Variants in COPG2 observed in about 807,000 individuals in gnomAD.
The protein encoded by COPG2 is coat protein complex I subunit gamma 2.
In COPG2, 37 loss-of-function variants were observed where a neutral mutation model predicts 46.3. The observed-to-expected ratio is 0.80, with a 90% confidence interval of 0.61 to 1.05. The LOEUF (loss-of-function observed/expected upper bound fraction) is 1.05, where lower values mean the gene tolerates loss of function less well. Among genes scored for constraint, COPG2 ranks in the 50% least tolerant of loss-of-function variants. COPG2 has a pLI of 0.00. For missense variants in COPG2, 427 were observed against 387.8 expected, an observed-to-expected ratio of 1.10 and a Z score of -0.85; for synonymous variants, 159 against 129.7, an observed-to-expected ratio of 1.23 and a Z score of -1.53.
chr7:130,530,313 TGAG>T (rs1437240768), intron 20 of COPG2, among the ~76,000 whole-genome samples: 2 of 151,144 alleles, frequency 1.3e-5, no homozygotes, highest in Non-Finnish European at 2.9e-5. Context: ...GGTGAGGAAA[TGAG>T]GAAGAGAAGG....
intron 9 of COPG2, among the ~76,000 whole-genome samples, chr7:130,571,027 C>T (rs1554445471): frequency 6.6e-6 from 1 of 152,166 alleles, no homozygotes; most frequent in African/African-American, 2.4e-5. Context: ...ATCCTCATCT[C>T]TCACCTTATA....
At chr7:130,576,961 A>T (rs1005455671) in intron 9 of COPG2, among the ~76,000 whole-genome samples, 2 of 152,186 alleles carry the variant, frequency 1.3e-5, no homozygotes, top group African/African-American at 4.8e-5. Flanking sequence ...AATACAAATG[A>T]TCATTCAAAC....
At chr7:130,636,538 G>GTTTTTTTTT (rs59688621) in intron 5 of COPG2, among the ~76,000 whole-genome samples, 16 of 94,112 alleles carry the variant, frequency 1.7e-4, no homozygotes, top group South Asian at 4.2e-4. Context: ...ATTGCAACCG[G>GTTTTTTTTT]TTTTTTTTTT....
chr7:130,646,985 ATATATATATATGTGTATATATATATG>A (rs1167076211), intron 5 of COPG2, among the ~76,000 whole-genome samples: 195 of 770 alleles, frequency 0.25, 1 homozygote, highest in Middle Eastern at 0.5. Context: ...ATATATATGT[ATATATATATATGTGTATATATATATG>A]TATATATATA....
At position 130,508,718 on chromosome 7, in the gene COPG2, C is replaced by A. The variant is rs2116325413; in HGVS notation, c.2150-59G>T. The A allele has an allele frequency of 1.3e-5, 6 of 474,152 alleles. No individual in the cohort carries two copies. In the East Asian group the frequency reaches 1.7e-4, roughly 14 times the overall value. 29.4% of individuals were successfully genotyped at this position (474,152 alleles called of 1,614,324 possible). A position where few individuals can be genotyped will look rare whatever the true frequency, so the allele number is the denominator to read the frequency against. ...GGGAGTGCAAGGGAGACGTTTCCAT[C>A]ATTCCATCTGTACTCAGCACTGTGT... is the stretch of plus-strand genomic sequence containing the variant. On this transcript the variant is annotated intron_variant, in intron 20 of 23. Transcript: ENST00000425248.
chr7:130,552,713 A>G (rs1351693755), intron 14 of COPG2, among the ~76,000 whole-genome samples: 1 of 152,212 alleles, frequency 6.6e-6, no homozygotes, highest in Non-Finnish European at 1.5e-5. Context: ...AACCCCTTAT[A>G]TATCACACTG....
chr7:130,639,624 T>G (rs896032684), intron 5 of COPG2, among the ~76,000 whole-genome samples: 4 of 152,230 alleles, frequency 2.6e-5, no homozygotes, highest in African/African-American at 4.8e-5. Flanking sequence ...TAGCAAGGAA[T>G]CAACCCAGTT....
chr7:130,662,915 AAAAT>A (rs1584619907), intron 4 of COPG2, 48 bp downstream of exon 4: 2 of 1,091,810 alleles, frequency 1.8e-6, no homozygotes, highest in Non-Finnish European at 1.4e-6. Flanking sequence ...TTCCCTGGGG[AAAAT>A]AAATAAAAGG....
intron 20 of COPG2, among the ~76,000 whole-genome samples, chr7:130,540,369 A>T (rs1338613162): frequency 6.6e-6 from 1 of 151,958 alleles, no homozygotes; most frequent in Admixed American, 6.6e-5. Context: ...CAAAGGGGGA[A>T]GTTTCTGCAG....
chr7:130,653,021 C>A, intron 4 of COPG2, 73 bp from the exon 5 acceptor site: 1 of 895,606 alleles, frequency 1.1e-6, no homozygotes, highest in Non-Finnish European at 1.8e-6. Flanking sequence ...GAAGTGAGGA[C>A]CCCAAGTAGA....
In COPG2 at chr7:130,592,972, T is replaced by C. The variant is rs1408584465; in HGVS notation, c.737+17981A>G. ...CCTATCTCATAGTATGAAAATGTCATTAGACTTCTATACACTGACATAGAA... is the reference window on the plus strand; with the variant it reads ...CCTATCTCATAGTATGAAAATGTCACTAGACTTCTATACACTGACATAGAA... On this transcript the variant is annotated intron_variant, in intron 9 of 23. Coordinates refer to ENST00000425248, the MANE Select transcript of COPG2 (RefSeq NM_012133.6). Among the ~76,000 whole-genome samples, 4 of 152,236 alleles carry C rather than the reference T, an allele frequency of 2.6e-5. No homozygotes were observed. The East Asian group carries it at 7.7e-4, about 29-fold the overall frequency.
chr7:130,523,891 G>A (rs1031977664), intron 20 of COPG2, among the ~76,000 whole-genome samples: 1 of 152,026 alleles, frequency 6.6e-6, no homozygotes, highest in Non-Finnish European at 1.5e-5. Flanking sequence ...GCACCCAGGA[G>A]GAGCGGAGGA....
chr7:130,583,805 CAAAAAAA>C (rs1168370976), intron 9 of COPG2, among the ~76,000 whole-genome samples: 5 of 12,356 alleles, frequency 4.0e-4, no homozygotes, highest in South Asian at 6.5e-3. Flanking sequence ...GACTCCATCT[CAAAAAAA>C]AAAAAAAAAA....
chr7:130,604,896 G>A (rs567782085), intron 9 of COPG2, among the ~76,000 whole-genome samples: 3 of 151,924 alleles, frequency 2.0e-5, no homozygotes, highest in Non-Finnish European at 4.4e-5. Flanking sequence ...TTTATCAACC[G>A]CTTTTTTCTG....
At chr7:130,561,518 A>G (rs947035829) in intron 11 of COPG2, among the ~76,000 whole-genome samples, 2 of 152,188 alleles carry the variant, frequency 1.3e-5, no homozygotes, top group Non-Finnish European at 2.9e-5. Flanking sequence ...ATATACGTCT[A>G]TTCTATTAGA....
rs369919040 is a variant in COPG2 at position 130,586,923 on chromosome 7, T to TA, written c.738-22531dup. Among the ~76,000 whole-genome samples the TA allele has an allele frequency of 1.4e-3, 218 of 152,140 alleles. 1 individual carries two copies. Among genetic ancestry groups the TA allele is most frequent in the African/African-American group, 4.9e-3 (203 of 41,542 alleles). ...GCTATTAGCCAACACTCAACAGTAA[T>TA]AAAAAACTCTTGCATTTTAAAAGCA... On this transcript the variant is annotated intron_variant, in intron 9 of 23. Transcript: ENST00000425248.
intron 9 of COPG2, among the ~76,000 whole-genome samples, chr7:130,593,999 T>A (rs1336600255): frequency 1.3e-5 from 2 of 151,722 alleles, no homozygotes; most frequent in Non-Finnish European, 2.9e-5. Context: ...AGAGACAAGC[T>A]AGAGTATGGG....
At chr7:130,610,189 T>C (rs1346217262) in intron 9 of COPG2, 7 of 465,312 alleles carry the variant, frequency 1.5e-5, no homozygotes, top group Non-Finnish European at 2.9e-5. Flanking sequence ...ATACTTATCA[T>C]TAGAAAAGTG....
At chr7:130,552,011 C>T (rs1325569677) in intron 15 of COPG2, among the ~76,000 whole-genome samples, 1 of 152,098 alleles carries the variant, frequency 6.6e-6, no homozygotes, top group Non-Finnish European at 1.5e-5. Flanking sequence ...TCAAATGTGA[C>T]ATGTACCTAG....
Sources: gnomAD v4.1 joint callset for allele counts (sites outside exome capture counted in the v4.1 genomes callset) on GRCh38, gnomAD v4.1.1 for gene constraint, MANE v1.5 for transcripts, NCBI Gene and HGNC (gene_info 2026-07-23, HGNC 2026-07-21) for gene names.